The following UGT8 variants were observed in gnomAD, a reference collection of about 807,000 sequenced individuals.
UGT8 encodes UDP glycosyltransferase 8, also known as 2-hydroxyacylsphingosine 1-beta-galactosyltransferase.
In UGT8, 12 loss-of-function variants were observed where a neutral mutation model predicts 40.5. The observed-to-expected ratio is 0.30, with a 90% CI of 0.19 to 0.48. The LOEUF (loss-of-function observed/expected upper bound fraction) is 0.48, where lower values mean the gene tolerates loss of function less well. Ranked by LOEUF, UGT8 falls within the 20% of genes least tolerant of loss-of-function variation. The pLI is 0.99. For synonymous variants in UGT8, 224 were observed against 240.4 expected, an observed-to-expected ratio of 0.93 and a Z score of 0.63; for missense variants, 513 against 648.7, an observed-to-expected ratio of 0.79 and a Z score of 2.27.
In UGT8 at chr4:114,623,052, G is replaced by A; in HGVS notation, c.172G>A (p.Glu58Lys). 6.2e-7 allele frequency: 1 copy of A among 1,614,140 alleles called. No individual in the cohort carries two copies. Reference sequence around the variant, plus strand: ...CCACCATACAGTGTTCCTCCTCTCTGAAGGCAGAGACATCGCCCCATCTAA... The same window carrying A: ...CCACCATACAGTGTTCCTCCTCTCTAAAGGCAGAGACATCGCCCCATCTAA... Reference protein sequence around the residue: ...RGHHTVFLLSEGRDIAPSNHY... With the variant: ...RGHHTVFLLSKGRDIAPSNHY... The change falls in exon 2 of 6, where the codon GAA becomes AAA. Residue 58 changes from glutamate to lysine, a missense_variant. Transcript: ENST00000310836.
At position 114,678,056 on chromosome 4, in the gene UGT8, GAC is replaced by G. The variant is rs941243843; in HGVS notation, c.*1772_*1773del. The G allele has an allele frequency of 1.3e-5, 2 of 152,132 alleles. No homozygotes were observed. The highest frequency in any genetic ancestry group is 2.4e-5 in the African/African-American group (1 of 41,434). The allele number at this position is 152,132 out of a possible 1,614,324, so 9.4% of individuals were successfully genotyped here. A position where few individuals can be genotyped will look rare whatever the true frequency, so the allele number is the denominator to read the frequency against. On this transcript the variant is annotated 3_prime_UTR_variant, in exon 6 of 6. Coordinates refer to ENST00000310836, the MANE Select transcript of UGT8 (RefSeq NM_001128174.3). ...GATGTTGCCGTTAAAAGGGAAAAAA[GAC>G]ACAGGCAATGAATGGTGGGATAGTA...
chr4:114,666,109 G>C (rs2126134047), intron 4 of UGT8, among the ~76,000 whole-genome samples: 1 of 152,196 alleles, frequency 6.6e-6, no homozygotes, highest in South Asian at 2.1e-4. Flanking sequence ...AAGTAGAACA[G>C]TTAAAACAAT....
Position 114,623,071 on chromosome 4 carries a change from C to T in UGT8, c.191C>T (p.Pro64Leu), listed in dbSNP as rs1731936143. ...FLLSEGRDIA[P>L]SNHYSLQRYP... ...CTCTCTGAAGGCAGAGACATCGCCC[C>T]ATCTAATCATTACAGCCTCCAGCGC... Residue 64 changes from proline (P) to leucine (L), a missense_variant, in exon 2 of 6, where the codon CCA becomes CTA. This residue lies in a region of UGT8 where 335 missense variants were observed against 444.8 expected (regional missense o/e 0.75). Coordinates refer to ENST00000310836, the MANE Select transcript of UGT8 (RefSeq NM_001128174.3). 1 of 1,614,158 alleles carries T rather than the reference C, an allele frequency of 6.2e-7. No homozygotes were observed. Among genetic ancestry groups the T allele is most frequent in the East Asian group, 2.2e-5 (1 of 44,870 alleles).
In UGT8 at chr4:114,623,511, G is replaced by C. The variant is rs770801564; in HGVS notation, c.631G>C (p.Val211Leu). The C allele has an allele frequency of 2.6e-5, 42 of 1,613,988 alleles. 1 individual carries two copies. The change falls in exon 2 of 6, where the codon GTT (valine) becomes CTT (leucine). Residue 211 changes from valine to leucine, a missense_variant. By Grantham distance (32) the Val-to-Leu change is conservative. Around this residue, in one of 3 missense-constraint regions of UGT8, gnomAD observed 335 missense variants for 444.8 expected, o/e 0.75. Transcript: ENST00000310836. ...LISRLGVSFL[V>L]LPKYERIMQK... is the part of the protein sequence containing the mutation. Reference sequence around the variant, plus strand: ...TTCCAGATTAGGGGTCAGCTTTCTGGTTCTTCCCAAATATGAAAGGATAAT... The same window carrying C: ...TTCCAGATTAGGGGTCAGCTTTCTGCTTCTTCCCAAATATGAAAGGATAAT...
intron 2 of UGT8, among the ~76,000 whole-genome samples, chr4:114,646,489 TG>T (rs1345789882): frequency 2.0e-5 from 3 of 152,268 alleles, no homozygotes; most frequent in Admixed American, 6.5e-5. Flanking sequence ...AAGAGTATCA[TG>T]GGCATAATTT....
intron 2 of UGT8, among the ~76,000 whole-genome samples, chr4:114,643,597 G>C (rs1733364236): frequency 6.6e-6 from 1 of 152,130 alleles, no homozygotes; most frequent in Non-Finnish European, 1.5e-5. Flanking sequence ...CCTTCTGATA[G>C]TGCTGAGCAC....
intron 1 of UGT8, among the ~76,000 whole-genome samples, chr4:114,603,035 GT>G (rs1244465024): frequency 6.6e-6 from 1 of 152,188 alleles, no homozygotes; most frequent in Non-Finnish European, 1.5e-5. Context: ...GTACCAAAGT[GT>G]TGGCAGTGGG....
intron 2 of UGT8, among the ~76,000 whole-genome samples, chr4:114,653,927 T>G (rs1734027009): frequency 6.6e-6 from 1 of 152,016 alleles, no homozygotes. Context: ...ACATAGAAGG[T>G]GACCAGCAAA....
At chr4:114,618,961 T>C (rs1397803362) in intron 1 of UGT8, among the ~76,000 whole-genome samples, 1 of 152,156 alleles carries the variant, frequency 6.6e-6, no homozygotes, top group Non-Finnish European at 1.5e-5. Flanking sequence ...CACTGATGCA[T>C]TGATTTCATG....
At chr4:114,640,155 C>G (rs1302195010) in intron 2 of UGT8, among the ~76,000 whole-genome samples, 1 of 151,184 alleles carries the variant, frequency 6.6e-6, no homozygotes. Flanking sequence ...CTCAGCCTCC[C>G]GAGTAGCTGG....
intron 2 of UGT8, among the ~76,000 whole-genome samples, chr4:114,634,754 A>G (rs1732784541): frequency 6.6e-6 from 1 of 152,196 alleles, no homozygotes; most frequent in African/African-American, 2.4e-5. Context: ...AGTCCTTGAC[A>G]AGATCACTTT....
intron 1 of UGT8, among the ~76,000 whole-genome samples, chr4:114,613,454 A>G (rs554971408): frequency 1.3e-5 from 2 of 152,324 alleles, no homozygotes; most frequent in South Asian, 2.1e-4. Flanking sequence ...TTTACTACTT[A>G]TTAAGTACTA....
At chr4:114,655,986 A>G (rs989478257) in intron 2 of UGT8, among the ~76,000 whole-genome samples, 1 of 152,080 alleles carries the variant, frequency 6.6e-6, no homozygotes, top group African/African-American at 2.4e-5. Flanking sequence ...TGGGTTTATC[A>G]TTTGTTCCTC....
At chr4:114,598,755 C>CTGA (rs1730248024), upstream of UGT8, 1 of 152,022 alleles carries the variant, frequency 6.6e-6, no homozygotes, top group Admixed American at 6.5e-5. Context: ...AGCAGGCGCG[C>CTGA]TGAGGACCCG....
At chr4:114,626,818 T>A (rs763982412) in intron 2 of UGT8, among the ~76,000 whole-genome samples, 10 of 152,248 alleles carry the variant, frequency 6.6e-5, no homozygotes, top group Non-Finnish European at 1.3e-4. Context: ...AGACAGCAGT[T>A]TTTTGAATCT....
intron 1 of UGT8, among the ~76,000 whole-genome samples, chr4:114,609,808 A>G (rs1178804612): frequency 6.6e-6 from 1 of 151,852 alleles, no homozygotes; most frequent in Non-Finnish European, 1.5e-5. Flanking sequence ...TACCCCTACT[A>G]CTCCATCCAA....
intron 2 of UGT8, among the ~76,000 whole-genome samples, chr4:114,633,507 C>G (rs1732705326): frequency 6.6e-6 from 1 of 152,168 alleles, no homozygotes; most frequent in East Asian, 1.9e-4. Context: ...AAGCTGATGG[C>G]ATGGAGCTAG....
intron 2 of UGT8, among the ~76,000 whole-genome samples, chr4:114,634,139 G>A (rs1447118804): frequency 4.6e-5 from 7 of 152,056 alleles, no homozygotes; most frequent in Middle Eastern, 3.2e-3. Context: ...AGTGATGGGC[G>A]GTTCTAAAAA....
intron 2 of UGT8, among the ~76,000 whole-genome samples, chr4:114,627,841 C>T (rs1383742609): frequency 6.6e-6 from 1 of 152,144 alleles, no homozygotes; most frequent in Non-Finnish European, 1.5e-5. Context: ...CTACTGTTTG[C>T]TGTTGTTGTA....
Sources: gnomAD v4.1 joint callset for allele counts (sites outside exome capture counted in the v4.1 genomes callset) on GRCh38, gnomAD v4.1.1 for gene constraint, gnomAD v4.1.1 regional missense constraint, MANE v1.5 for transcripts, NCBI Gene and HGNC (gene_info 2026-07-23, HGNC 2026-07-21) for gene names.